Variants in AFG2A observed in about 807,000 individuals in gnomAD.
The protein encoded by AFG2A is ATPase family gene 2 protein homolog A.
the AFG2A span, chr4:122,947,397 C>T: frequency 6.2e-7 from 1 of 1,614,010 alleles, no homozygotes; most frequent in Non-Finnish European, 8.5e-7. Flanking sequence ...GAAGGGTACC[C>T]CATTTGCTCA....
At chr4:122,929,215 G>A in the AFG2A span, 112 of 1,550,028 alleles carry the variant, frequency 7.2e-5, no homozygotes, top group Non-Finnish European at 9.0e-5. Context: ...TCTTTTCTTT[G>A]GTGACTATCT....
chr4:123,165,375 T>C, the AFG2A span, among the ~76,000 whole-genome samples: 1 of 152,140 alleles, frequency 6.6e-6, no homozygotes, highest in Non-Finnish European at 1.5e-5. Flanking sequence ...TTTTGTGGTA[T>C]GTAAATTATG....
At chr4:123,030,974 A>G in the AFG2A span, among the ~76,000 whole-genome samples, 2 of 152,304 alleles carry the variant, frequency 1.3e-5, no homozygotes, top group African/African-American at 4.8e-5. Flanking sequence ...ACTCTCCTAT[A>G]GGTTTAAAAT....
chr4:123,280,039 A>G, the AFG2A span, among the ~76,000 whole-genome samples: 15 of 152,152 alleles, frequency 9.9e-5, no homozygotes, highest in African/African-American at 9.7e-5. Flanking sequence ...ACCATGTGCA[A>G]TGCTAAGTAA....
At chr4:123,116,625 A>G in the AFG2A span, among the ~76,000 whole-genome samples, 1 of 152,208 alleles carries the variant, frequency 6.6e-6, no homozygotes, top group Non-Finnish European at 1.5e-5. Flanking sequence ...AGTTTTTCCA[A>G]ATAGCTACAT....
the AFG2A span, among the ~76,000 whole-genome samples, chr4:123,129,707 G>A: frequency 6.6e-6 from 1 of 152,028 alleles, no homozygotes; most frequent in Non-Finnish European, 1.5e-5. Context: ...AGTTTGTCAA[G>A]GCTGGGCACG....
the AFG2A span, chr4:122,927,731 G>C: frequency 1.2e-6 from 2 of 1,613,002 alleles, no homozygotes; most frequent in East Asian, 2.2e-5. Flanking sequence ...GACCAGTGTT[G>C]CTTACTAGTT....
the AFG2A span, among the ~76,000 whole-genome samples, chr4:123,311,409 C>T: frequency 5.1e-3 from 775 of 152,096 alleles, 8 homozygotes; most frequent in African/African-American, 0.018. Flanking sequence ...GGGCGGATCA[C>T]AAGGTCAGGA....
chr4:123,075,887 GC>G, the AFG2A span, among the ~76,000 whole-genome samples: 1 of 151,630 alleles, frequency 6.6e-6, no homozygotes, highest in Non-Finnish European at 1.5e-5. Flanking sequence ...AACCCAGGAG[GC>G]AGAGGTTGCA....
the AFG2A span, among the ~76,000 whole-genome samples, chr4:123,079,414 A>C: frequency 6.6e-6 from 1 of 152,164 alleles, no homozygotes; most frequent in Non-Finnish European, 1.5e-5. Flanking sequence ...CATTATTTGG[A>C]TGTAGCTCCT....
chr4:123,146,532 CACTA>C, the AFG2A span, among the ~76,000 whole-genome samples: 1 of 152,090 alleles, frequency 6.6e-6, no homozygotes, highest in Non-Finnish European at 1.5e-5. Context: ...GAACTTTAGA[CACTA>C]ACAGTGAAAA....
At chr4:123,296,156 T>G in the AFG2A span, among the ~76,000 whole-genome samples, 1 of 149,794 alleles carries the variant, frequency 6.7e-6, no homozygotes, top group Non-Finnish European at 1.5e-5. Flanking sequence ...ATCTCAGCAA[T>G]ACCTATGAAG....
the AFG2A span, among the ~76,000 whole-genome samples, chr4:123,200,494 C>T: frequency 2.0e-5 from 3 of 152,120 alleles, no homozygotes; most frequent in African/African-American, 2.4e-5. Flanking sequence ...AGCTGAGGGA[C>T]TGATGGCATA....
At chr4:122,998,378 G>A in the AFG2A span, among the ~76,000 whole-genome samples, 1 of 151,920 alleles carries the variant, frequency 6.6e-6, no homozygotes, top group African/African-American at 2.4e-5. Flanking sequence ...AGTTAAATAT[G>A]TATACATGTG....
chr4:123,048,526 T>G, the AFG2A span, among the ~76,000 whole-genome samples: 1 of 152,178 alleles, frequency 6.6e-6, no homozygotes, highest in African/African-American at 2.4e-5. Flanking sequence ...TGTGTCCTCT[T>G]TAGTTGTTTT....
chr4:123,046,072 G>A, the AFG2A span, among the ~76,000 whole-genome samples: 2 of 151,470 alleles, frequency 1.3e-5, no homozygotes, highest in African/African-American at 2.4e-5. Context: ...CCTCCAGCGT[G>A]GGTGATAGAG....
the AFG2A span, among the ~76,000 whole-genome samples, chr4:123,073,537 A>G: frequency 6.6e-6 from 1 of 152,132 alleles, no homozygotes; most frequent in South Asian, 2.1e-4. Flanking sequence ...AAACTTTGCT[A>G]TGGAGAGGGG....
chr4:122,950,601 A>T, the AFG2A span, among the ~76,000 whole-genome samples: 1 of 152,172 alleles, frequency 6.6e-6, no homozygotes, highest in African/African-American at 2.4e-5. Flanking sequence ...CAGCCTCCCA[A>T]AGTGGTGGGA....
At chr4:123,096,745 A>G in the AFG2A span, among the ~76,000 whole-genome samples, 25 of 152,218 alleles carry the variant, frequency 1.6e-4, no homozygotes, top group African/African-American at 5.8e-4. Flanking sequence ...TAAGCCATCT[A>G]TGGAAAAGAT....
Sources: gnomAD v4.1 joint callset for allele counts (sites outside exome capture counted in the v4.1 genomes callset) on GRCh38, gnomAD v4.1.1 for gene constraint, MANE v1.5 for transcripts, NCBI Gene and HGNC (gene_info 2026-07-23, HGNC 2026-07-21) for gene names.